The following TIAM1 variants were observed in gnomAD, a reference collection of about 807,000 sequenced individuals.
TIAM1 encodes rho guanine nucleotide exchange factor TIAM1.
In TIAM1, 65 loss-of-function variants were observed where a neutral mutation model predicts 163.5. That is an observed-to-expected ratio of 0.40 (90% CI 0.33 to 0.49). TIAM1 has a LOEUF of 0.49. TIAM1 is among the 20% of genes least tolerant of loss of function. The probability of loss-of-function intolerance (pLI) is 0.77; values close to 1 mark genes in which losing one functional copy is unlikely to be tolerated. For synonymous variants in TIAM1, 833 were observed against 810.1 expected (o/e 1.03, Z -0.48); for missense variants, 1,789 against 2,044.7 (o/e 0.87, Z 2.41).
At chr21:31,305,422 T>TTA (rs1358806851) in intron 2 of TIAM1, among the ~76,000 whole-genome samples, 1 of 132,808 alleles carries the variant, frequency 7.5e-6, no homozygotes, top group African/African-American at 2.7e-5. Context: ...GAAATAAAAA[T>TTA]AAAAAAAAAA....
intron 2 of TIAM1, among the ~76,000 whole-genome samples, chr21:31,436,982 C>T (rs923593166): frequency 2.0e-5 from 3 of 151,964 alleles, no homozygotes; most frequent in Middle Eastern, 3.4e-3. Context: ...AAATAAAAAA[C>T]GATACAATAT....
At chr21:31,279,015 T>C (rs2073425925) in intron 2 of TIAM1, among the ~76,000 whole-genome samples, 1 of 152,182 alleles carries the variant, frequency 6.6e-6, no homozygotes, top group Non-Finnish European at 1.5e-5. Flanking sequence ...TCCTTCCACC[T>C]GCACAACGGA....
intron 2 of TIAM1, among the ~76,000 whole-genome samples, chr21:31,300,225 T>C (rs1353677384): frequency 6.6e-6 from 1 of 152,212 alleles, no homozygotes. Context: ...CTGGCATGAA[T>C]GGAAGTTTCC....
At chr21:31,317,429 G>T (rs2075164934) in intron 2 of TIAM1, among the ~76,000 whole-genome samples, 2 of 151,530 alleles carry the variant, frequency 1.3e-5, no homozygotes, top group African/African-American at 2.4e-5. Context: ...CTCCAGCCTG[G>T]GTAACAAGAG....
chr21:31,427,651 A>G (rs2043843283), intron 2 of TIAM1, among the ~76,000 whole-genome samples: 1 of 151,706 alleles, frequency 6.6e-6, no homozygotes, highest in African/African-American at 2.4e-5. Context: ...ACGAGACCTC[A>G]TATCTATGAA....
chr21:31,422,448 G>GC (rs2043611505), intron 2 of TIAM1, among the ~76,000 whole-genome samples: 1 of 152,084 alleles, frequency 6.6e-6, no homozygotes, highest in Non-Finnish European at 1.5e-5. Flanking sequence ...AGACTCCCAA[G>GC]CCCCCACCCA....
At chr21:31,447,745 G>C (rs1408195636) in intron 2 of TIAM1, among the ~76,000 whole-genome samples, 2 of 152,180 alleles carry the variant, frequency 1.3e-5, no homozygotes, top group Non-Finnish European at 2.9e-5. Flanking sequence ...GCTTGTACTA[G>C]TCAGGGTTCT....
At chr21:31,151,132 G>A (rs963471247) in intron 19 of TIAM1, among the ~76,000 whole-genome samples, 2 of 152,218 alleles carry the variant, frequency 1.3e-5, no homozygotes, top group African/African-American at 4.8e-5. Flanking sequence ...AGCTGCAATG[G>A]TATAACCACT....
chr21:31,399,089 C>A (rs80335883), intron 2 of TIAM1, among the ~76,000 whole-genome samples: 8,964 of 152,028 alleles, frequency 0.059, 299 homozygotes, highest in South Asian at 0.12. Context: ...AACAGCAAAG[C>A]CAAAATTAAT....
chr21:31,511,674 C>T (rs763873096), intron 1 of TIAM1, among the ~76,000 whole-genome samples: 16 of 152,114 alleles, frequency 1.1e-4, no homozygotes, highest in African/African-American at 1.7e-4. Flanking sequence ...TGTGAAATCC[C>T]GAAGAATCCT....
intron 9 of TIAM1, among the ~76,000 whole-genome samples, chr21:31,214,558 T>C (rs905611398): frequency 2.6e-5 from 4 of 151,910 alleles, no homozygotes; most frequent in African/African-American, 9.7e-5. Flanking sequence ...AACATAGGGG[T>C]TTTTTTAATT....
chr21:31,555,060 T>G (rs1280741166), intron 1 of TIAM1, among the ~76,000 whole-genome samples: 1 of 152,310 alleles, frequency 6.6e-6, no homozygotes, highest in South Asian at 2.1e-4. Context: ...CCTTTTACAC[T>G]AGAACATTGT....
At chr21:31,310,082 T>A (rs762904074) in intron 2 of TIAM1, among the ~76,000 whole-genome samples, 1 of 152,222 alleles carries the variant, frequency 6.6e-6, no homozygotes, top group Non-Finnish European at 1.5e-5. Context: ...CTAAATCAAT[T>A]CCTTTTTCAC....
intron 2 of TIAM1, among the ~76,000 whole-genome samples, chr21:31,334,958 A>C (rs2075792644): frequency 6.6e-6 from 1 of 152,068 alleles, no homozygotes; most frequent in South Asian, 2.1e-4. Flanking sequence ...CCAGGCAACC[A>C]AATGTGACAT....
At chr21:31,147,990 A>T (rs2083211064) in intron 19 of TIAM1, among the ~76,000 whole-genome samples, 1 of 107,928 alleles carries the variant, frequency 9.3e-6, no homozygotes, top group Non-Finnish European at 1.7e-5. Flanking sequence ...GAGGATTCTG[A>T]GTCTGTCCAT....
At chr21:31,502,544 A>C (rs2046882931) in intron 1 of TIAM1, among the ~76,000 whole-genome samples, 1 of 152,202 alleles carries the variant, frequency 6.6e-6, no homozygotes, top group Non-Finnish European at 1.5e-5. Flanking sequence ...GTCAGCACCA[A>C]GCATGAGGAA....
At chr21:31,420,867 A>G (rs2043542506) in intron 2 of TIAM1, among the ~76,000 whole-genome samples, 1 of 152,152 alleles carries the variant, frequency 6.6e-6, no homozygotes, top group Non-Finnish European at 1.5e-5. Context: ...CACGTCTGTA[A>G]TCCCAGCACT....
chr21:31,343,769 G>A (rs1310506028), intron 1 of TIAM1, among the ~76,000 whole-genome samples: 1 of 152,148 alleles, frequency 6.6e-6, no homozygotes, highest in Non-Finnish European at 1.5e-5. Context: ...CATCCTGGGT[G>A]GGTGACGTGA....
rs1210802517 is a variant in TIAM1 at position 31,473,033 on chromosome 21, G to A, written c.-421-8998C>T. ...TGGTACCAAAGATGCACGGTCTGGA[G>A]CTGGCAAGGGAATGGCCTCGGTAAA... is the stretch of plus-strand genomic sequence containing the variant. On this transcript the variant is annotated intron_variant, in intron 1 of 28. Coordinates refer to the TIAM1 transcript ENST00000286827. Among the ~76,000 whole-genome samples the A allele has an allele frequency of 2.6e-5, 4 of 152,280 alleles. No individual in the cohort carries two copies. The East Asian group carries it at 5.8e-4, about 22-fold the overall frequency.
Sources: allele counts gnomAD v4.1 joint callset (sites outside exome capture counted in the v4.1 genomes callset), GRCh38; gene constraint gnomAD v4.1.1; transcripts MANE v1.5; gene names NCBI Gene and HGNC (gene_info 2026-07-23, HGNC 2026-07-21).